The following MORN2 variants were observed in gnomAD, a reference collection of about 807,000 sequenced individuals.
The protein encoded by MORN2 is MORN repeat containing 2.
A neutral mutation model predicts 13.4 loss-of-function variants in MORN2; 15 were observed. That is an observed-to-expected ratio of 1.12 (90% CI 0.75 to 1.72). The LOEUF is 1.72. MORN2 is among the 40% of genes most tolerant of loss of function. The pLI is 0.00. For missense variants in MORN2, 168 were observed against 134.6 expected, an observed-to-expected ratio of 1.25 and a Z score of -1.23; for synonymous variants, 46 against 43.6, an observed-to-expected ratio of 1.06 and a Z score of -0.22.
rs1350163647 is a variant in MORN2 at position 38,879,330 on chromosome 2, C to CATTTTCA, written c.59-848_59-847insTTTTCAA. Among the ~76,000 whole-genome samples, 5 of 152,172 alleles carry CATTTTCA rather than the reference C, an allele frequency of 3.3e-5. No homozygotes were observed. In the East Asian group the frequency reaches 9.6e-4, roughly 29 times the overall value. ...AGCTGTATGTTTTGAAAATGTACAT[C>CATTTTCA]AGTGTTTATAGCAGTATTATTCATA... On this transcript the variant is annotated intron_variant, in intron 1 of 4. Coordinates refer to ENST00000644631, the MANE Select transcript of MORN2 (RefSeq NM_001145450.3).
At chr2:38,880,564 CT>C in intron 2 of MORN2, 35 bp from the exon 3 acceptor site, 1 of 1,384,848 alleles carries the variant, frequency 7.2e-7, no homozygotes, top group Non-Finnish European at 9.7e-7. Flanking sequence ...CATAACTATT[CT>C]CATTTATAAT....
Position 38,881,436 on chromosome 2 carries a change from A to T in MORN2, c.217-6A>T, listed in dbSNP as rs1345497763. The T allele has an allele frequency of 6.5e-7, 1 of 1,531,758 alleles. No homozygotes were observed. The highest frequency in any genetic ancestry group is 2.5e-5 in the East Asian group (1 of 40,176). The allele number at this position is 1,531,758 out of a possible 1,614,324, so 94.9% of individuals were successfully genotyped here. A position where few individuals can be genotyped will look rare whatever the true frequency, so the allele number is the denominator to read the frequency against. ...TTTCTAAGGTAATTTCCTTTGTTAC[A>T]AACAGATGAATGGTTTTGGAAGACT... On this transcript the variant is annotated splice_polypyrimidine_tract_variant and splice_region_variant and intron_variant, in intron 3 of 4. Transcript: ENST00000644631.
chr2:38,880,549 C>G (rs901033848), intron 2 of MORN2, 51 bp from the exon 3 acceptor site: 1 of 1,273,596 alleles, frequency 7.9e-7, no homozygotes, highest in African/African-American at 1.5e-5. Flanking sequence ...GCGATTAGGC[C>G]CAGACATAAC....
chr2:38,881,892 C>T (rs918404134), intron 4 of MORN2, among the ~76,000 whole-genome samples: 1 of 152,242 alleles, frequency 6.6e-6, no homozygotes, highest in Non-Finnish European at 1.5e-5. Flanking sequence ...CTCAAGTGAT[C>T]TGCCTGCCTC....
At chr2:38,880,806 G>A (rs549368069) in intron 3 of MORN2, 100 bp downstream of exon 3, 452 of 1,233,584 alleles carry the variant, frequency 3.7e-4, no homozygotes, top group Non-Finnish European at 4.0e-4. Flanking sequence ...ATAATGAGTA[G>A]ACTATATAAT....
Position 38,880,638 on chromosome 2 carries a change from A to G in MORN2, c.148A>G (p.Arg50Gly), listed in dbSNP as rs537109162. ...AAGAACATCTTCTGGAATCTACGAG[A>G]GAAATGGAATAGGTATTCATACCAC... Residue 50 changes from arginine to glycine, a missense_variant, in exon 3 of 5, where the codon AGA becomes GGA. Physicochemically the swap from Arg to Gly is moderately radical, Grantham distance 125. Coordinates refer to ENST00000644631, the MANE Select transcript of MORN2 (RefSeq NM_001145450.3). The G allele has an allele frequency of 6.6e-5, 102 of 1,544,440 alleles. No homozygotes were observed. The highest frequency in any genetic ancestry group is 8.3e-5 in the Non-Finnish European group (95 of 1,144,728).
chr2:38,878,010 G>A (rs1665695290), intron 1 of MORN2, among the ~76,000 whole-genome samples: 1 of 151,976 alleles, frequency 6.6e-6, no homozygotes, highest in African/African-American at 2.4e-5. Context: ...TGCCCAGGCT[G>A]GTCTCGAACT....
chr2:38,882,307 G>T, intron 4 of MORN2, 106 bp from the exon 5 acceptor site: 3 of 309,402 alleles, frequency 9.7e-6, no homozygotes, highest in Non-Finnish European at 1.6e-5. Flanking sequence ...CTTGAAAGTA[G>T]AGGATATAAT....
At chr2:38,882,386 T>G in intron 4 of MORN2, 27 bp from the exon 5 acceptor site, 3 of 1,438,356 alleles carry the variant, frequency 2.1e-6, no homozygotes, top group Non-Finnish European at 1.9e-6. Context: ...TCTTTGTTAA[T>G]GGAAAACTTA....
At chr2:38,882,008 A>C (rs1385453542) in intron 4 of MORN2, among the ~76,000 whole-genome samples, 1 of 152,242 alleles carries the variant, frequency 6.6e-6, no homozygotes, top group African/African-American at 2.4e-5. Context: ...GTTTCTAAAA[A>C]TTGTTGGAGG....
intron 1 of MORN2, chr2:38,876,322 C>G (rs566664277): frequency 1.3e-5 from 5 of 389,676 alleles, no homozygotes; most frequent in African/African-American, 1.0e-4. Flanking sequence ...GAGGCGCGTG[C>G]CAACCTCCCT....
intron 3 of MORN2, 89 bp downstream of exon 3, chr2:38,880,795 T>C: frequency 7.3e-7 from 1 of 1,372,302 alleles, no homozygotes; most frequent in Non-Finnish European, 1.0e-6. Context: ...CAAAAACTCC[T>C]ATAATGAGTA....
In MORN2 at chr2:38,876,026, G is replaced by T. The variant is rs1435312462; in HGVS notation, c.-27G>T. ...CCAAGTCGCACCTGGAGCTGTCCTA[G>T]CGCCTAGTTCTCTCCCGGCCGCAGA... On this transcript the variant is annotated 5_prime_UTR_variant, in exon 1 of 5. Transcript: ENST00000644631. 7.5e-6 allele frequency: 3 copies of T among 398,722 alleles called. No homozygotes were observed. Among genetic ancestry groups the T allele is most frequent in the African/African-American group, 4.1e-5 (2 of 48,636 alleles). 24.7% of individuals were successfully genotyped at this position (398,722 alleles called of 1,614,324 possible).
chr2:38,878,945 G>C (rs1416622988), intron 1 of MORN2, among the ~76,000 whole-genome samples: 2 of 152,210 alleles, frequency 1.3e-5, no homozygotes, highest in Non-Finnish European at 2.9e-5. Flanking sequence ...CATCTCAGGT[G>C]ATTCTGAAGG....
At chr2:38,879,964 T>C (rs2124967441) in intron 1 of MORN2, among the ~76,000 whole-genome samples, 1 of 152,354 alleles carries the variant, frequency 6.6e-6, no homozygotes, top group Admixed American at 6.5e-5. Context: ...TGGATAGTGC[T>C]GAAAGCACAT....
chr2:38,876,513 T>C (rs1665629043), intron 1 of MORN2, among the ~76,000 whole-genome samples: 1 of 152,234 alleles, frequency 6.6e-6, no homozygotes. Flanking sequence ...GTGCCCTTCA[T>C]TCACTAGACG....
rs1665776226 is a variant in MORN2 at position 38,881,479 on chromosome 2, C to G, written c.254C>G (p.Ala85Gly). The G allele has an allele frequency of 6.5e-7, 1 of 1,540,184 alleles. No homozygotes were observed. Among genetic ancestry groups the G allele is most frequent in the African/African-American group, 1.4e-5 (1 of 72,262 alleles). The stretch of plus-strand genomic sequence containing the variant: ...GGAAGACTTGAGCATTTTTCAGGAG[C>G]AGTATATGAAGGACAATTTAAGGAT... The change falls in exon 4 of 5, where the codon GCA (alanine) becomes GGA (glycine). Residue 85 changes from alanine to glycine, a missense_variant. Transcript: ENST00000644631.
chr2:38,881,850 C>T (rs117817830), intron 4 of MORN2, among the ~76,000 whole-genome samples: 1,543 of 152,270 alleles, frequency 0.01, 19 homozygotes, highest in East Asian at 0.052. Flanking sequence ...GGGGTTTCAC[C>T]GTGTTGAGCA....
rs778501661 is a variant in MORN2, at chr2:38,882,494, G to A, written c.435G>A (p.Leu145=). Residue 145 remains leucine, a synonymous_variant, in exon 5 of 5, where the codon CTG becomes CTA. Coordinates refer to ENST00000644631, the MANE Select transcript of MORN2 (RefSeq NM_001145450.3). ...TTCATTTTACAGCTGCTCCAGACCT[G>A]AAATTAAAGCTTCACATGTAGATGT... 1.3e-6 allele frequency: 2 copies of A among 1,549,930 alleles called. No individual in the cohort carries two copies. Among genetic ancestry groups the A allele is most frequent in the South Asian group, 1.2e-5 (1 of 83,926 alleles).
Sources: gnomAD v4.1 joint callset for allele counts (sites outside exome capture counted in the v4.1 genomes callset) on GRCh38, gnomAD v4.1.1 for gene constraint, MANE v1.5 for transcripts, NCBI Gene and HGNC (gene_info 2026-07-23, HGNC 2026-07-21) for gene names.